MYB: variants seen among roughly 807,000 people sequenced by gnomAD.
The protein encoded by MYB is MYB proto-oncogene, transcription factor.
In MYB, 28 loss-of-function variants were observed where a neutral mutation model predicts 92.9. The ratio of observed to expected loss-of-function variants is 0.30; its 90% CI spans 0.22 to 0.41. The LOEUF is 0.41. Ranked by LOEUF, MYB falls within the 10% of genes least tolerant of loss-of-function variation. The pLI is 1.00. For missense variants in MYB, 679 were observed against 929.3 expected, an observed-to-expected ratio of 0.73 and a Z score of 3.50; for synonymous variants, 295 against 329.1, an observed-to-expected ratio of 0.90 and a Z score of 1.12.
chr6:135,206,979 C>T (rs142462456), intron 15 of MYB, among the ~76,000 whole-genome samples: 69 of 152,262 alleles, frequency 4.5e-4, no homozygotes, highest in African/African-American at 1.6e-3. Context: ...ACCTATATTT[C>T]ATATAATCCT....
In MYB at chr6:135,203,460, A is replaced by C. The variant is rs530670433; in HGVS notation, c.2169+136A>C. ...TTCAACATTTTAGACATAGGGGAGT[A>C]ATGCTTTTATACAATTCTTGATGTC... On this transcript the variant is annotated intron_variant, in intron 15 of 15. Coordinates refer to ENST00000341911, the MANE Select transcript of MYB (RefSeq NM_001130173.2). 3.6e-5 allele frequency: 26 copies of C among 713,790 alleles called. No individual in the cohort carries two copies. The African/African-American group carries it at 4.5e-4, about 12-fold the overall frequency. The allele number at this position is 713,790 out of a possible 1,614,324, so 44.2% of individuals were successfully genotyped here.
At chr6:135,212,086 A>AT (rs926192245) in intron 15 of MYB, among the ~76,000 whole-genome samples, 167 of 150,794 alleles carry the variant, frequency 1.1e-3, no homozygotes, top group East Asian at 1.4e-3. Context: ...CAGAGGAAGT[A>AT]TTTTTTTTTC....
chr6:135,202,401 T>A (rs1265494100), intron 14 of MYB: 1 of 154,760 alleles, frequency 6.5e-6, no homozygotes, highest in East Asian at 1.9e-4. Context: ...GGAGTTTCGC[T>A]CTTGTTGCCC....
intron 2 of MYB, 36 bp downstream of exon 2, chr6:135,186,056 T>TA (rs1562363248): frequency 3.2e-6 from 5 of 1,569,290 alleles, no homozygotes; most frequent in Admixed American, 3.3e-5. Flanking sequence ...AGAAAATAGA[T>TA]AGAGTGTATA....
intron 15 of MYB, among the ~76,000 whole-genome samples, chr6:135,217,253 C>G (rs534744417): frequency 1.3e-5 from 2 of 152,020 alleles, no homozygotes; most frequent in East Asian, 3.9e-4. Flanking sequence ...CCTGTAGTCC[C>G]AGCTGCTTGG....
chr6:135,197,350 T>C (rs375218962), intron 10 of MYB, 27 bp downstream of exon 10: 1 of 1,539,370 alleles, frequency 6.5e-7, no homozygotes, highest in African/African-American at 1.4e-5. Flanking sequence ...GCACAGCTGT[T>C]ACTCATTTTC....
At position 135,181,426 on chromosome 6, in the gene MYB, G is replaced by T; in HGVS notation, c.-88G>T. On this transcript the variant is annotated 5_prime_UTR_variant, in exon 1 of 16. Transcript: ENST00000341911. This position sits in a 1 kb window ranked among gnomAD's most constrained non-coding sequence, Gnocchi z 5.3. ...TGCGGAGCGCCGCTGCGCAGCCGGGGAGGGACGCAGGCAGGCGGCGGGCAG... is the reference window on the plus strand; with the variant it reads ...TGCGGAGCGCCGCTGCGCAGCCGGGTAGGGACGCAGGCAGGCGGCGGGCAG... 2.1e-6 allele frequency: 2 copies of T among 945,232 alleles called. No individual in the cohort carries two copies. The highest frequency in any genetic ancestry group is 3.9e-5 in the South Asian group (1 of 25,734). The allele number at this position is 945,232 out of a possible 1,614,324, so 58.6% of individuals were successfully genotyped here. A position where few individuals can be genotyped will look rare whatever the true frequency, so the allele number is the denominator to read the frequency against.
intron 3 of MYB, among the ~76,000 whole-genome samples, chr6:135,188,129 A>T (rs745388023): frequency 9.9e-5 from 15 of 152,190 alleles, no homozygotes; most frequent in Non-Finnish European, 2.2e-4. Context: ...ATCAAATTTT[A>T]AAAACAGTTG....
chr6:135,213,921 A>G (rs1479068185), intron 15 of MYB, among the ~76,000 whole-genome samples: 1 of 152,250 alleles, frequency 6.6e-6, no homozygotes, highest in Non-Finnish European at 1.5e-5. Context: ...AACAGGAGGC[A>G]TAGTAATAGC....
At chr6:135,211,033 A>G (rs1269653745) in intron 15 of MYB, among the ~76,000 whole-genome samples, 2 of 151,868 alleles carry the variant, frequency 1.3e-5, no homozygotes, top group Non-Finnish European at 2.9e-5. Flanking sequence ...GATTCAACTG[A>G]TTCCTTGAAA....
intron 1 of MYB, 140 bp from the exon 2 acceptor site, chr6:135,185,763 A>G: frequency 1.4e-6 from 1 of 731,288 alleles, no homozygotes; most frequent in Non-Finnish European, 2.4e-6. Flanking sequence ...GCAGCAAACA[A>G]TCTTGTTGTG....
intron 13 of MYB, 90 bp from the exon 14 acceptor site, chr6:135,201,549 A>G (rs1259880652): frequency 8.0e-6 from 6 of 747,794 alleles, no homozygotes; most frequent in Non-Finnish European, 1.3e-5. Context: ...TTATAAAAGT[A>G]TTTGAGGGAC....
In MYB at chr6:135,190,356, A is replaced by C; in HGVS notation, c.527+9A>C. 6.2e-7 allele frequency: 1 copy of C among 1,605,708 alleles called. No individual in the cohort carries two copies. The highest frequency in any genetic ancestry group is 8.5e-7 in the Non-Finnish European group (1 of 1,172,822). On this transcript the variant is annotated intron_variant, in intron 5 of 15. Coordinates refer to ENST00000341911, the MANE Select transcript of MYB (RefSeq NM_001130173.2). The surrounding 1 kb of genome is among the most constrained non-coding windows in gnomAD (Gnocchi z 4.5). ...AAGCTACTGCCTGGACGGTAATAAT[A>C]TGTCAAAAAATATATTGATCGGGAA...
chr6:135,195,519 G>C (rs1415295175), intron 8 of MYB: 1 of 514,326 alleles, frequency 1.9e-6, no homozygotes, highest in East Asian at 2.9e-5. Flanking sequence ...TTTACAAAAT[G>C]ATAACAAGGT....
intron 15 of MYB, among the ~76,000 whole-genome samples, chr6:135,217,387 A>G (rs1436777826): frequency 6.6e-6 from 1 of 152,124 alleles, no homozygotes; most frequent in African/African-American, 2.4e-5. Flanking sequence ...AAAGGAAAAA[A>G]ATTAAACTAT....
At chr6:135,187,745 A>G (rs1165972758) in intron 2 of MYB, 89 bp from the exon 3 acceptor site, 3 of 781,074 alleles carry the variant, frequency 3.8e-6, no homozygotes, top group African/African-American at 1.7e-5. Flanking sequence ...GAGACTTTTT[A>G]TTCTAGATTC....
intron 15 of MYB, among the ~76,000 whole-genome samples, chr6:135,210,030 G>A (rs998974730): frequency 3.9e-5 from 6 of 152,316 alleles, no homozygotes; most frequent in Admixed American, 3.3e-4. Flanking sequence ...GTAGTTACCC[G>A]AGAGAGACCG....
At chr6:135,201,200 A>G (rs559850057) in intron 13 of MYB, among the ~76,000 whole-genome samples, 5 of 135,862 alleles carry the variant, frequency 3.7e-5, no homozygotes, top group African/African-American at 1.5e-4. Context: ...ATTTTCATGT[A>G]AAGATAAGTA....
Position 135,199,023 on chromosome 6 carries a change from C to T in MYB, c.1682C>T (p.Thr561Ile). ...ACAACACCATTTCATAGAGACCAGACTGTGAAAACTCAAAAGGAAAATACT... is the reference window on the plus strand; with the variant it reads ...ACAACACCATTTCATAGAGACCAGATTGTGAAAACTCAAAAGGAAAATACT... ...TVTTPFHRDQ[T>I]VKTQKENTVF... is the part of the protein sequence containing the mutation. Residue 561 changes from threonine to isoleucine, a missense_variant, in exon 11 of 16, where the codon ACT becomes ATT. Transcript: ENST00000341911. 1 of 1,606,812 alleles carries T rather than the reference C, an allele frequency of 6.2e-7. No individual in the cohort carries two copies. The highest frequency in any genetic ancestry group is 8.5e-7 in the Non-Finnish European group (1 of 1,176,922).
Sources: gnomAD v4.1 joint callset for allele counts (sites outside exome capture counted in the v4.1 genomes callset) on GRCh38, gnomAD v4.1.1 for gene constraint, Gnocchi (gnomAD v3.1) non-coding constraint, MANE v1.5 for transcripts, NCBI Gene and HGNC (gene_info 2026-07-23, HGNC 2026-07-21) for gene names.